The following MEF2A variants were observed in gnomAD, a reference collection of about 807,000 sequenced individuals.
MEF2A encodes myocyte-specific enhancer factor 2A.
In MEF2A, 28 loss-of-function variants were observed where a neutral mutation model predicts 55.8. The ratio of observed to expected loss-of-function variants is 0.50; its 90% CI spans 0.37 to 0.69. MEF2A has a LOEUF of 0.69. Among genes scored for constraint, MEF2A ranks in the 30% least tolerant of loss-of-function variants. The probability of loss-of-function intolerance (pLI) is 0.00; values close to 1 mark genes in which losing one functional copy is unlikely to be tolerated. For missense variants in MEF2A, 528 were observed against 626.2 expected (o/e 0.84, Z 1.67); for synonymous variants, 239 against 227.1 (o/e 1.05, Z -0.47).
Position 99,656,037 on chromosome 15 carries a change from A to G in MEF2A, c.258+10273A>G, listed in dbSNP as rs145996855. 2.6e-5 allele frequency among the ~76,000 whole-genome samples: 4 copies of G among 152,278 alleles called. 1 individual carries two copies. The East Asian group carries it at 5.8e-4, about 22-fold the overall frequency. ...TCAGCACACAGCTTAATAATGACCTATAAAATGGAACTAAAGGTAGTGTTG... is the reference window on the plus strand; with the variant it reads ...TCAGCACACAGCTTAATAATGACCTGTAAAATGGAACTAAAGGTAGTGTTG... On this transcript the variant is annotated intron_variant, in intron 4 of 11. Transcript: ENST00000557942.
At chr15:99,575,475 G>C (rs777737995) in intron 1 of MEF2A, among the ~76,000 whole-genome samples, 1 of 152,182 alleles carries the variant, frequency 6.6e-6, no homozygotes, top group Non-Finnish European at 1.5e-5. Flanking sequence ...TCCCATGTAA[G>C]TGATGGTATA....
At chr15:99,580,743 A>G (rs917615025) in intron 1 of MEF2A, among the ~76,000 whole-genome samples, 3 of 152,200 alleles carry the variant, frequency 2.0e-5, no homozygotes, top group Non-Finnish European at 2.9e-5. Flanking sequence ...TTTTATTCCA[A>G]TGTCAATCTA....
At chr15:99,615,476 CAT>C (rs1467712618) in intron 2 of MEF2A, among the ~76,000 whole-genome samples, 1 of 152,150 alleles carries the variant, frequency 6.6e-6, no homozygotes, top group African/African-American at 2.4e-5. Context: ...ACATTGAGCA[CAT>C]GTGCAGATTA....
At chr15:99,682,240 AC>A (rs1218667055) in intron 7 of MEF2A, among the ~76,000 whole-genome samples, 1 of 152,196 alleles carries the variant, frequency 6.6e-6, no homozygotes, top group African/African-American at 2.4e-5. Flanking sequence ...GAATTGACTG[AC>A]CTATCTTACA....
At chr15:99,681,647 C>G (rs1295525342) in intron 7 of MEF2A, 1 of 152,138 alleles carries the variant, frequency 6.6e-6, no homozygotes, top group African/African-American at 2.4e-5. Context: ...AGAAGCAGAC[C>G]CCATGAGCAT....
At chr15:99,683,573 A>G (rs2053637118) in intron 7 of MEF2A, among the ~76,000 whole-genome samples, 1 of 151,764 alleles carries the variant, frequency 6.6e-6, no homozygotes, top group Non-Finnish European at 1.5e-5. Context: ...TGCCCTGCTA[A>G]TTTAGCATTT....
chr15:99,654,491 T>G lies in MEF2A; in HGVS notation c.258+8727T>G, dbSNP rs116534417. Among the ~76,000 whole-genome samples, 1,033 of 151,262 alleles carry G rather than the reference T, an allele frequency of 6.8e-3. 11 individuals are homozygous for G. The highest frequency in any genetic ancestry group is 0.024 in the African/African-American group (984 of 41,156). On this transcript the variant is annotated intron_variant, in intron 4 of 11. Transcript: ENST00000557942. ...CAGGCAACAGAAGACCTCACTGAAA[T>G]TGGTCTTAAAAATAGGGGTATTGGG...
chr15:99,701,466 G>A (rs560021853), intron 8 of MEF2A, among the ~76,000 whole-genome samples: 127 of 152,350 alleles, frequency 8.3e-4, no homozygotes, highest in Non-Finnish European at 1.4e-3. Flanking sequence ...AGGAGACGAA[G>A]GAGATGTGAG....
At chr15:99,689,248 G>T (rs1197703127) in intron 7 of MEF2A, among the ~76,000 whole-genome samples, 1 of 152,204 alleles carries the variant, frequency 6.6e-6, no homozygotes, top group African/African-American at 2.4e-5. Flanking sequence ...AGACTCAGTA[G>T]AAGTAGAGCC....
chr15:99,686,603 T>C (rs1045652004), intron 7 of MEF2A, among the ~76,000 whole-genome samples: 3 of 152,182 alleles, frequency 2.0e-5, no homozygotes, highest in Non-Finnish European at 4.4e-5. Flanking sequence ...ATCTGTTAAG[T>C]TTTCCTTTGT....
intron 1 of MEF2A, among the ~76,000 whole-genome samples, chr15:99,587,689 G>T (rs1252969927): frequency 6.6e-6 from 1 of 152,018 alleles, no homozygotes; most frequent in Non-Finnish European, 1.5e-5. Context: ...AATATTTTCT[G>T]CTTTTGAAAC....
At chr15:99,630,674 A>G (rs955300747) in intron 2 of MEF2A, among the ~76,000 whole-genome samples, 1 of 152,216 alleles carries the variant, frequency 6.6e-6, no homozygotes, top group Admixed American at 6.5e-5. Context: ...TACTTTTGCT[A>G]CTGGTATGCA....
At chr15:99,570,381 A>G (rs935540483) in intron 1 of MEF2A, among the ~76,000 whole-genome samples, 1 of 152,222 alleles carries the variant, frequency 6.6e-6, no homozygotes, top group African/African-American at 2.4e-5. Flanking sequence ...AAACAAGAAA[A>G]CATGAAAACA....
chr15:99,660,071 T>C (rs2048370410), intron 4 of MEF2A, among the ~76,000 whole-genome samples: 1 of 152,200 alleles, frequency 6.6e-6, no homozygotes, highest in Non-Finnish European at 1.5e-5. Context: ...TTAGCCTAAC[T>C]TTGATAGCAA....
intron 2 of MEF2A, among the ~76,000 whole-genome samples, chr15:99,614,434 C>G (rs2039857467): frequency 6.6e-6 from 1 of 152,110 alleles, no homozygotes; most frequent in South Asian, 2.1e-4. Context: ...AGAGAATGTC[C>G]AATAGCCTGG....
chr15:99,576,167 G>A (rs1001492587), intron 1 of MEF2A, among the ~76,000 whole-genome samples: 2 of 152,178 alleles, frequency 1.3e-5, no homozygotes, highest in African/African-American at 2.4e-5. Flanking sequence ...TTGTTTTAGA[G>A]CCTTTTGGCT....
At chr15:99,636,803 C>G (rs1269280982) in intron 3 of MEF2A, among the ~76,000 whole-genome samples, 2 of 151,060 alleles carry the variant, frequency 1.3e-5, no homozygotes, top group African/African-American at 2.4e-5. Flanking sequence ...TGTAAGGACT[C>G]TTTTTTTTTA....
At chr15:99,706,609 C>T in intron 9 of MEF2A, 120 bp from the exon 10 acceptor site, 1 of 1,086,372 alleles carries the variant, frequency 9.2e-7, no homozygotes, top group East Asian at 2.5e-5. Context: ...TTCACATCAT[C>T]AGTGCTTCAG....
intron 8 of MEF2A, among the ~76,000 whole-genome samples, chr15:99,691,440 G>A (rs1478185659): frequency 6.6e-6 from 1 of 152,130 alleles, no homozygotes; most frequent in Non-Finnish European, 1.5e-5. Flanking sequence ...GCTCACACCT[G>A]TAATCCCAGC....
Sources: gnomAD v4.1 joint callset for allele counts (sites outside exome capture counted in the v4.1 genomes callset) on GRCh38, gnomAD v4.1.1 for gene constraint, MANE v1.5 for transcripts, NCBI Gene and HGNC (gene_info 2026-07-23, HGNC 2026-07-21) for gene names.